The following FGF14 variants were observed in gnomAD, a reference collection of about 807,000 sequenced individuals.
FGF14 encodes fibroblast growth factor 14.
A neutral mutation model predicts 25.5 loss-of-function variants in FGF14; 5 were observed. The observed-to-expected ratio is 0.20, with a 90% CI of 0.10 to 0.41. FGF14 has a LOEUF of 0.41. FGF14 is among the 10% of genes least tolerant of loss of function. The probability of loss-of-function intolerance (pLI) is 1.00; values close to 1 mark genes in which losing one functional copy is unlikely to be tolerated. For missense variants in FGF14, 222 were observed against 320.1 expected (o/e 0.69, Z 2.34); for synonymous variants, 138 against 118.3 (o/e 1.17, Z -1.08).
At chr13:101,967,886 C>G (rs146122415) in intron 1 of FGF14, 5 of 152,656 alleles carry the variant, frequency 3.3e-5, no homozygotes, top group Admixed American at 3.3e-4. Context: ...TACATGAACA[C>G]TCCCAGGATA....
At chr13:101,844,333 T>C (rs537012737) in intron 3 of FGF14, among the ~76,000 whole-genome samples, 30 of 152,156 alleles carry the variant, frequency 2.0e-4, no homozygotes, top group African/African-American at 6.5e-4. Context: ...ACTCTCAACC[T>C]CACAAGACAC....
At chr13:101,918,425 G>C (rs150424907), upstream of FGF14, among the ~76,000 whole-genome samples, 316 of 152,334 alleles carry the variant, frequency 2.1e-3, no homozygotes, top group African/African-American at 7.3e-3. Context: ...GTGAAGCAAG[G>C]GGGAGAGATG....
intron 3 of FGF14, among the ~76,000 whole-genome samples, chr13:101,863,527 T>C (rs1048918610): frequency 1.3e-5 from 2 of 152,166 alleles, no homozygotes; most frequent in Non-Finnish European, 2.9e-5. Context: ...ATAGTGAACA[T>C]TTTTATGAGA....
At chr13:101,779,400 C>T (rs564288541) in intron 3 of FGF14, among the ~76,000 whole-genome samples, 131 of 152,260 alleles carry the variant, frequency 8.6e-4, no homozygotes, top group African/African-American at 2.9e-3. Flanking sequence ...CAAAAACCAA[C>T]AGCAAACCTG....
At chr13:102,004,936 C>A (rs2039703047) in intron 1 of FGF14, among the ~76,000 whole-genome samples, 1 of 152,178 alleles carries the variant, frequency 6.6e-6, no homozygotes, top group Admixed American at 6.5e-5. Flanking sequence ...CCTCCCCAGT[C>A]CTGTGGAACT....
intron 1 of FGF14, among the ~76,000 whole-genome samples, chr13:102,008,254 A>G (rs2039906248): frequency 6.6e-6 from 1 of 152,228 alleles, no homozygotes; most frequent in African/African-American, 2.4e-5. Context: ...CAATGGAATG[A>G]TCTTCTGAAT....
chr13:101,999,610 C>T (rs75999442), intron 1 of FGF14, among the ~76,000 whole-genome samples: 5,274 of 152,270 alleles, frequency 0.035, 155 homozygotes, highest in Non-Finnish European at 0.048. Flanking sequence ...CCACATTTCT[C>T]AGCTTCCACT....
At chr13:101,942,457 T>A (rs2035516326) in intron 1 of FGF14, among the ~76,000 whole-genome samples, 1 of 152,214 alleles carries the variant, frequency 6.6e-6, no homozygotes, top group Admixed American at 6.5e-5. Context: ...AATTTAGTAC[T>A]CATTTGATTT....
At chr13:101,934,999 AC>A (rs1389040492) in intron 1 of FGF14, among the ~76,000 whole-genome samples, 1 of 152,180 alleles carries the variant, frequency 6.6e-6, no homozygotes, top group Non-Finnish European at 1.5e-5. Flanking sequence ...GGCTCCTAGA[AC>A]TTTTTCATCT....
intron 1 of FGF14, among the ~76,000 whole-genome samples, chr13:101,879,845 A>G (rs916919397): frequency 6.6e-6 from 1 of 152,152 alleles, no homozygotes; most frequent in South Asian, 2.1e-4. Flanking sequence ...AGATTTTGGC[A>G]CTCCCAGTAG....
chr13:101,898,497 G>A (rs948163610), intron 1 of FGF14, among the ~76,000 whole-genome samples: 1 of 151,924 alleles, frequency 6.6e-6, no homozygotes, highest in Non-Finnish European at 1.5e-5. Context: ...CAAATAAAAA[G>A]CTAGTCAATA....
intron 1 of FGF14, among the ~76,000 whole-genome samples, chr13:102,215,511 C>G (rs2050334425): frequency 6.6e-6 from 1 of 152,142 alleles, no homozygotes; most frequent in Admixed American, 6.5e-5. Flanking sequence ...TCCTAGACAG[C>G]CTATGTTCCC....
chr13:101,888,108 T>C (rs9300700), intron 1 of FGF14, among the ~76,000 whole-genome samples: 44,841 of 151,878 alleles, frequency 0.3, 7,018 homozygotes, highest in East Asian at 0.41. Context: ...GGGATAACAG[T>C]AGGTGAGGCT....
intron 1 of FGF14, among the ~76,000 whole-genome samples, chr13:102,190,055 C>T (rs2049061324): frequency 6.6e-6 from 1 of 152,178 alleles, no homozygotes. Flanking sequence ...ACATCCAAAA[C>T]ATATCACATG....
At chr13:102,023,402 T>A (rs1244981909) in intron 1 of FGF14, among the ~76,000 whole-genome samples, 1 of 152,020 alleles carries the variant, frequency 6.6e-6, no homozygotes, top group African/African-American at 2.4e-5. Flanking sequence ...ATAGAGCTCT[T>A]AATAGAGCTC....
intron 3 of FGF14, among the ~76,000 whole-genome samples, chr13:101,855,424 T>G (rs2044075609): frequency 6.6e-6 from 1 of 151,998 alleles, no homozygotes; most frequent in African/African-American, 2.4e-5. Context: ...AATGGTTAAG[T>G]TCATTTTAAC....
chr13:101,953,088 C>G (rs1177285526), intron 1 of FGF14, among the ~76,000 whole-genome samples: 1 of 144,308 alleles, frequency 6.9e-6, no homozygotes, highest in Admixed American at 6.8e-5. Flanking sequence ...CATTTTTTAC[C>G]CTCCCTCTAC....
chr13:102,111,139 C>T (rs376571999), intron 1 of FGF14, among the ~76,000 whole-genome samples: 2 of 152,228 alleles, frequency 1.3e-5, no homozygotes, highest in Non-Finnish European at 2.9e-5. Context: ...GCCTCCTCCA[C>T]CTGCAGGCAC....
At chr13:101,941,094 G>T (rs541185209) in intron 1 of FGF14, among the ~76,000 whole-genome samples, 17 of 152,162 alleles carry the variant, frequency 1.1e-4, no homozygotes, top group African/African-American at 3.9e-4. Flanking sequence ...ATTGCGGAGC[G>T]ATTTATGTTT....
Sources: gnomAD v4.1 joint callset for allele counts (sites outside exome capture counted in the v4.1 genomes callset) on GRCh38, gnomAD v4.1.1 for gene constraint, MANE v1.5 for transcripts, NCBI Gene and HGNC (gene_info 2026-07-23, HGNC 2026-07-21) for gene names.